Variants in RIOK2 observed in about 807,000 individuals in gnomAD.
RIOK2 encodes the protein serine/threonine-protein kinase RIO2.
A neutral mutation model predicts 62.4 loss-of-function variants in RIOK2; 46 were observed. The observed-to-expected ratio is 0.74, with a 90% CI of 0.58 to 0.94. RIOK2 has a LOEUF of 0.94. Ranked by LOEUF, RIOK2 falls within the 40% of genes least tolerant of loss-of-function variation. RIOK2 has a pLI of 0.00. For missense variants in RIOK2, 574 were observed against 658.0 expected (o/e 0.87, Z 1.40); for synonymous variants, 197 against 216.0 (o/e 0.91, Z 0.77).
At chr5:97,171,496 T>C in intron 5 of RIOK2, 99 bp from the exon 6 acceptor site, 5 of 737,252 alleles carry the variant, frequency 6.8e-6, no homozygotes, top group Non-Finnish European at 9.8e-6. Context: ...TTCCATGCTG[T>C]GTATCCCCAG....
Position 97,162,922 on chromosome 5 carries a change from A to C in RIOK2, c.*139T>G, listed in dbSNP as rs536598213. The C allele has an allele frequency of 4.1e-5, 30 of 739,520 alleles. No homozygotes were observed. The African/African-American group carries it at 4.8e-4, about 12-fold the overall frequency. The allele number at this position is 739,520 out of a possible 1,614,324, so 45.8% of individuals were successfully genotyped here. On this transcript the variant is annotated 3_prime_UTR_variant, in exon 10 of 10. Coordinates refer to ENST00000283109, the MANE Select transcript of RIOK2 (RefSeq NM_018343.3). ...ATTATTCTTTGCAAGACACATACTGAATGACCAAATTTATAGATGAAAGAG... is the reference window on the plus strand; with the variant it reads ...ATTATTCTTTGCAAGACACATACTGCATGACCAAATTTATAGATGAAAGAG...
chr5:97,174,427 GT>G (rs111845025), intron 4 of RIOK2, among the ~76,000 whole-genome samples: 21,692 of 151,352 alleles, frequency 0.14, 1,907 homozygotes, highest in African/African-American at 0.25. Context: ...CTCAAAAAAA[GT>G]TTTTTTTTAC....
chr5:97,180,142 G>GTATATATGTA (rs1554083620), intron 1 of RIOK2, among the ~76,000 whole-genome samples: 1,727 of 96,052 alleles, frequency 0.018, 62 homozygotes, highest in African/African-American at 0.067. Flanking sequence ...ATATATATAT[G>GTATATATGTA]TATATATATA....
At position 97,177,101 on chromosome 5, in the gene RIOK2, A is replaced by G. The variant is rs754656864; in HGVS notation, c.498+15T>C. 11 of 1,602,254 alleles carry G rather than the reference A, an allele frequency of 6.9e-6. No homozygotes were observed. The Middle Eastern group carries it at 7.8e-4, about 114-fold the overall frequency. On this transcript the variant is annotated intron_variant, in intron 4 of 9. Coordinates refer to ENST00000283109, the MANE Select transcript of RIOK2 (RefSeq NM_018343.3). ...TTTGGCTAAAAAATGCATGACTACA[A>G]AATAAAATAAATACCTTCATATAGG...
At chr5:97,173,077 G>A in intron 5 of RIOK2, 98 bp downstream of exon 5, 1 of 755,570 alleles carries the variant, frequency 1.3e-6, no homozygotes, top group Non-Finnish European at 2.1e-6. Context: ...TAACCTCCCA[G>A]AGGCAATATT....
At chr5:97,178,317 T>TATGCTCTTCTGCAGTACCTAC (rs6149128) in intron 2 of RIOK2, among the ~76,000 whole-genome samples, 135,321 of 147,518 alleles carry the variant, frequency 0.92, 62,454 homozygotes, top group Middle Eastern at 0.99. Context: ...CTTTATCCTA[T>TATGCTCTTCTGCAGTACCTAC]ATGCTCTTCT....
Position 97,162,450 on chromosome 5 carries a change from CCAA to C in RIOK2, c.*608_*610del, listed in dbSNP as rs1454912896. The C allele has an allele frequency of 1.3e-5, 2 of 152,480 alleles. No individual in the cohort carries two copies. Among genetic ancestry groups the C allele is most frequent in the Non-Finnish European group, 2.9e-5 (2 of 68,240 alleles). The allele number at this position is 152,480 out of a possible 1,614,324, so 9.4% of individuals were successfully genotyped here. On this transcript the variant is annotated 3_prime_UTR_variant, in exon 10 of 10. Transcript: ENST00000283109. The stretch of plus-strand genomic sequence containing the variant: ...GCTACTCAGGCCTGCTTACAAGCTG[CCAA>C]CTGTAAAAATTGTGGTAGACTATCT...
intron 7 of RIOK2, 44 bp downstream of exon 7, chr5:97,168,715 GA>G (rs1192780442): frequency 3.6e-5 from 42 of 1,159,790 alleles, no homozygotes; most frequent in Non-Finnish European, 4.8e-5. Context: ...ACACAGACCA[GA>G]TATTTAAACT....
intron 2 of RIOK2, among the ~76,000 whole-genome samples, chr5:97,178,250 G>C (rs768161983): frequency 1.3e-5 from 2 of 152,234 alleles, no homozygotes; most frequent in Admixed American, 6.5e-5. Flanking sequence ...GGTTTCAGAA[G>C]TAATGATCTA....
intron 1 of RIOK2, among the ~76,000 whole-genome samples, chr5:97,179,929 G>A (rs1235435725): frequency 7.3e-5 from 8 of 110,212 alleles, no homozygotes; most frequent in South Asian, 3.1e-4. Flanking sequence ...AAACCTGCAC[G>A]TTCTGCACAT....
chr5:97,177,995 C>T, intron 2 of RIOK2, 147 bp from the exon 3 acceptor site: 1 of 576,000 alleles, frequency 1.7e-6, no homozygotes, highest in Non-Finnish European at 3.1e-6. Flanking sequence ...CAATTTCTTC[C>T]TATAATTTGC....
chr5:97,166,234 C>A, intron 8 of RIOK2: 1 of 445,544 alleles, frequency 2.2e-6, no homozygotes, highest in Non-Finnish European at 4.5e-6. Context: ...TATTCTGTTT[C>A]TTTGAAGAAT....
In RIOK2 at chr5:97,177,159, T is replaced by C; in HGVS notation, c.455A>G (p.Tyr152Cys). Reference protein sequence around the residue: ...HKHRHNVSWLYLSRLSAMKEF... With the variant: ...HKHRHNVSWLCLSRLSAMKEF... Reference sequence around the variant, plus strand: ...CTTCATGGCAGAGAGACGAGATAAATATAGCCATGACACATTGTGCCTATG... The same window carrying C: ...CTTCATGGCAGAGAGACGAGATAAACATAGCCATGACACATTGTGCCTATG... The change falls in exon 4 of 10, where the codon TAT becomes TGT. Residue 152 changes from tyrosine (Y) to cysteine (C), a missense_variant. Tyr to Cys is a radical substitution (Grantham distance 194). Transcript: ENST00000283109. 1 of 1,612,696 alleles carries C rather than the reference T, an allele frequency of 6.2e-7. No individual in the cohort carries two copies. The highest frequency in any genetic ancestry group is 8.5e-7 in the Non-Finnish European group (1 of 1,179,294).
Position 97,177,807 on chromosome 5 carries a change from G to C in RIOK2, c.247C>G (p.Leu83Val), listed in dbSNP as rs1222505152. 2 of 1,613,564 alleles carry C rather than the reference G, an allele frequency of 1.2e-6. No individual in the cohort carries two copies. Among genetic ancestry groups the C allele is most frequent in the Admixed American group, 1.7e-5 (1 of 59,978 alleles). The change falls in exon 3 of 10, where the codon CTA becomes GTA. Residue 83 changes from leucine (L) to valine (V), a missense_variant. Physicochemically the swap from Leu to Val is conservative, Grantham distance 32. Transcript: ENST00000283109. ...CTAGAAGAAAGTGTTTTCAAAGCTA[G>C]GTAATCATATCCTGCATTTGTCAAC... is the stretch of plus-strand genomic sequence containing the variant. ...YRLTNAGYDY[L>V]ALKTLSSRQV...
At chr5:97,170,819 G>T (rs1748983155) in intron 6 of RIOK2, among the ~76,000 whole-genome samples, 1 of 152,044 alleles carries the variant, frequency 6.6e-6, no homozygotes, top group Non-Finnish European at 1.5e-5. Flanking sequence ...ATGAAAAAAT[G>T]ATTATATTCT....
At position 97,171,241 on chromosome 5, in the gene RIOK2, T is replaced by G. The variant is rs1325252173; in HGVS notation, c.744A>C (p.Pro248=). The change falls in exon 6 of 10, where the codon CCA becomes CCC. Residue 248 remains proline, a synonymous_variant. Transcript: ENST00000283109. ...TGGGATGAGAAGTTGAAACCATCTG[T>G]GGAAAATCAATCATGGTGATATGGT... ...ESDHITMIDF[P]QMVSTSHPNA... 1.3e-6 allele frequency: 2 copies of G among 1,591,108 alleles called. No homozygotes were observed.
intron 4 of RIOK2, among the ~76,000 whole-genome samples, chr5:97,174,661 T>C (rs1412567563): frequency 6.6e-6 from 1 of 151,934 alleles, no homozygotes; most frequent in African/African-American, 2.4e-5. Context: ...TGTCTTAGGG[T>C]CAAATAATAT....
intron 1 of RIOK2, 82 bp from the exon 2 acceptor site, chr5:97,179,275 G>T: frequency 1.5e-6 from 2 of 1,375,806 alleles, no homozygotes; most frequent in African/African-American, 1.5e-5. Context: ...ACTTCTCCTT[G>T]AAGCTTTCCT....
chr5:97,179,094 A>G lies in RIOK2; in HGVS notation c.166T>C (p.Leu56=). 1 of 1,614,018 alleles carries G rather than the reference A, an allele frequency of 6.2e-7. No individual in the cohort carries two copies. Among genetic ancestry groups the G allele is most frequent in the Non-Finnish European group, 8.5e-7 (1 of 1,179,950 alleles). Residue 56 remains leucine (L), a synonymous_variant, in exon 2 of 10, where the codon TTA becomes CTA. Coordinates refer to ENST00000283109, the MANE Select transcript of RIOK2 (RefSeq NM_018343.3). ...CAAGCTATGAGTTTATGTTTCACTA[A>G]TTCTCTTAAAACTTTATTACAGCCA... ...HGGCNKVLRE[L]VKHKLIAWER... is the part of the protein sequence containing the mutation.
Sources: allele counts gnomAD v4.1 joint callset (sites outside exome capture counted in the v4.1 genomes callset), GRCh38; gene constraint gnomAD v4.1.1; transcripts MANE v1.5; gene names NCBI Gene and HGNC (gene_info 2026-07-23, HGNC 2026-07-21).